Variants in PXDNL observed in about 807,000 individuals in gnomAD.
PXDNL encodes the protein probable oxidoreductase PXDNL.
Under a neutral mutation model 150.8 loss-of-function variants are expected in PXDNL, and 145 were observed. The ratio of observed to expected loss-of-function variants is 0.96; its 90% CI spans 0.84 to 1.10. PXDNL has a LOEUF of 1.10. PXDNL is among the 50% of genes least tolerant of loss of function. The pLI is 0.00. For missense variants in PXDNL, 2,087 were observed against 1,873.9 expected, an observed-to-expected ratio of 1.11 and a Z score of -2.10; for synonymous variants, 757 against 725.7, an observed-to-expected ratio of 1.04 and a Z score of -0.69.
chr8:51,556,777 TA>T, intron 4 of PXDNL, 62 bp downstream of exon 4: 1 of 884,432 alleles, frequency 1.1e-6, no homozygotes, highest in East Asian at 2.4e-5. Context: ...TAATGGCATT[TA>T]AAAAGCTGTC....
intron 4 of PXDNL, among the ~76,000 whole-genome samples, chr8:51,512,429 C>A (rs1453147963): frequency 6.6e-6 from 1 of 152,182 alleles, no homozygotes; most frequent in Non-Finnish European, 1.5e-5. Flanking sequence ...GTCCCCCTCT[C>A]AGCCATAAAG....
At chr8:51,648,167 A>G (rs1814963369) in intron 2 of PXDNL, among the ~76,000 whole-genome samples, 1 of 152,234 alleles carries the variant, frequency 6.6e-6, no homozygotes, top group African/African-American at 2.4e-5. Context: ...CGCCAATCAT[A>G]ACTAATGATA....
intron 6 of PXDNL, among the ~76,000 whole-genome samples, chr8:51,475,776 C>A (rs1436027208): frequency 6.6e-6 from 1 of 152,018 alleles, no homozygotes; most frequent in African/African-American, 2.4e-5. Flanking sequence ...TCACCCCCCT[C>A]CCTCCCTTCC....
chr8:51,576,582 G>C (rs57530579), intron 3 of PXDNL, among the ~76,000 whole-genome samples: 7,752 of 151,770 alleles, frequency 0.051, 468 homozygotes, highest in African/African-American at 0.15. Context: ...AAAGTTTTGA[G>C]TTAATAATCA....
At chr8:51,702,884 T>A (rs530700088) in intron 1 of PXDNL, among the ~76,000 whole-genome samples, 1 of 152,268 alleles carries the variant, frequency 6.6e-6, no homozygotes, top group South Asian at 2.1e-4. Flanking sequence ...CCGGGGTCTG[T>A]TTTCTATTTC....
chr8:51,678,356 C>T (rs1193195808), intron 1 of PXDNL, among the ~76,000 whole-genome samples: 2 of 152,236 alleles, frequency 1.3e-5, no homozygotes, highest in South Asian at 4.2e-4. Flanking sequence ...TTAGTCCACA[C>T]CTATTTTTGT....
At chr8:51,703,951 GA>G (rs891188359) in intron 1 of PXDNL, among the ~76,000 whole-genome samples, 10 of 151,986 alleles carry the variant, frequency 6.6e-5, no homozygotes, top group African/African-American at 2.2e-4. Flanking sequence ...TTTTAGTTGG[GA>G]AAAAAACTAT....
chr8:51,602,986 T>G (rs1813758396), intron 2 of PXDNL, among the ~76,000 whole-genome samples: 1 of 151,712 alleles, frequency 6.6e-6, no homozygotes, highest in Admixed American at 6.6e-5. Context: ...TTTTAATGCT[T>G]TAATCTCTGA....
At chr8:51,615,922 A>T (rs946615564) in intron 2 of PXDNL, among the ~76,000 whole-genome samples, 2 of 152,184 alleles carry the variant, frequency 1.3e-5, no homozygotes, top group African/African-American at 2.4e-5. Flanking sequence ...GGCAGCCTGA[A>T]CATGGTGCCT....
intron 2 of PXDNL, among the ~76,000 whole-genome samples, chr8:51,608,045 G>GAAAGAAAGAA: frequency 8.4e-6 from 1 of 118,882 alleles, no homozygotes; most frequent in South Asian, 2.6e-4. Context: ...AAGAAAGAAA[G>GAAAGAAAGAA]AAAGAAAGAA....
chr8:51,699,637 A>G (rs977062819), intron 1 of PXDNL, among the ~76,000 whole-genome samples: 1 of 152,242 alleles, frequency 6.6e-6, no homozygotes, highest in Non-Finnish European at 1.5e-5. Flanking sequence ...CTTTCAGCCT[A>G]TCTCAGCTTT....
chr8:51,644,095 G>A (rs894176436), intron 2 of PXDNL, among the ~76,000 whole-genome samples: 5 of 151,476 alleles, frequency 3.3e-5, no homozygotes, highest in African/African-American at 9.7e-5. Context: ...ACAGTGAGCC[G>A]AGATCATGCC....
intron 12 of PXDNL, among the ~76,000 whole-genome samples, chr8:51,439,069 A>T (rs1809478403): frequency 6.6e-6 from 1 of 152,224 alleles, no homozygotes; most frequent in Non-Finnish European, 1.5e-5. Context: ...ACAAAGATAA[A>T]TAAATGGTTG....
chr8:51,438,118 A>G (rs1479455900), intron 12 of PXDNL, among the ~76,000 whole-genome samples: 4 of 152,222 alleles, frequency 2.6e-5, no homozygotes, highest in Non-Finnish European at 1.5e-5. Flanking sequence ...AGGAGGTGAA[A>G]GAGCTCTATA....
chr8:51,548,652 C>G (rs538485094), intron 4 of PXDNL, among the ~76,000 whole-genome samples: 5 of 152,212 alleles, frequency 3.3e-5, no homozygotes, highest in Admixed American at 2.6e-4. Flanking sequence ...GAATTCACCT[C>G]TATCAACCCA....
At chr8:51,406,604 A>G (rs1467558528) in intron 17 of PXDNL, among the ~76,000 whole-genome samples, 1 of 152,168 alleles carries the variant, frequency 6.6e-6, no homozygotes, top group Admixed American at 6.5e-5. Flanking sequence ...CCCTCACCCC[A>G]GATGCCACCT....
intron 4 of PXDNL, among the ~76,000 whole-genome samples, chr8:51,508,720 C>T (rs189756822): frequency 5.6e-4 from 86 of 152,262 alleles, no homozygotes; most frequent in African/African-American, 2.0e-3. Flanking sequence ...CCCTCACCGC[C>T]GCCTTACATT....
intron 1 of PXDNL, among the ~76,000 whole-genome samples, chr8:51,691,517 G>A (rs185331552): frequency 5.5e-4 from 84 of 151,608 alleles, no homozygotes; most frequent in Non-Finnish European, 8.2e-4. Flanking sequence ...AAAAAACATG[G>A]CTATTAACTA....
chr8:51,377,115 C>CAT (rs1807344937), intron 17 of PXDNL, among the ~76,000 whole-genome samples: 2 of 141,532 alleles, frequency 1.4e-5, no homozygotes, highest in South Asian at 4.2e-4. Context: ...TACACACACA[C>CAT]ACACACACAC....
Sources: gnomAD v4.1 joint callset for allele counts (sites outside exome capture counted in the v4.1 genomes callset) on GRCh38, gnomAD v4.1.1 for gene constraint, MANE v1.5 for transcripts, NCBI Gene and HGNC (gene_info 2026-07-23, HGNC 2026-07-21) for gene names.